Variants in ST8SIA1 observed in about 807,000 individuals in gnomAD.
ST8SIA1 encodes the protein ST8 alpha-N-acetyl-neuraminide alpha-2,8-sialyltransferase 1.
Under a neutral mutation model 35.9 loss-of-function variants are expected in ST8SIA1, and 16 were observed. That is an observed-to-expected ratio of 0.45 (90% confidence interval 0.30 to 0.68). ST8SIA1 has a LOEUF of 0.68. Among genes scored for constraint, ST8SIA1 ranks in the 30% least tolerant of loss-of-function variants. The pLI is 0.09. For synonymous variants in ST8SIA1, 170 were observed against 169.6 expected (o/e 1.00, Z -0.02); for missense variants, 383 against 453.6 (o/e 0.84, Z 1.41).
chr12:22,305,379 C>CTTT (rs71053397), intron 1 of ST8SIA1, among the ~76,000 whole-genome samples: 1 of 132,990 alleles, frequency 7.5e-6, no homozygotes, highest in South Asian at 2.4e-4. Context: ...TTCCAGCATA[C>CTTT]TTTTTTTTTT....
At chr12:22,220,164 C>T (rs770324497) in intron 4 of ST8SIA1, among the ~76,000 whole-genome samples, 1 of 152,174 alleles carries the variant, frequency 6.6e-6, no homozygotes, top group African/African-American at 2.4e-5. Context: ...TACTGAGGAA[C>T]AGAACAGTCA....
chr12:22,294,904 G>T (rs1283822346), intron 1 of ST8SIA1, among the ~76,000 whole-genome samples: 5 of 152,162 alleles, frequency 3.3e-5, no homozygotes. Flanking sequence ...TATACAGCTA[G>T]AAAGATTCTA....
chr12:22,232,763 C>T lies in ST8SIA1; in HGVS notation c.584+16243G>A, dbSNP rs558182301. 2.3e-4 allele frequency among the ~76,000 whole-genome samples: 35 copies of T among 152,100 alleles called. No individual in the cohort carries two copies. The South Asian group carries it at 4.4e-3, about 19-fold the overall frequency. On this transcript the variant is annotated intron_variant, in intron 4 of 4. Transcript: ENST00000396037. ...CTGAGGCAGGAGAATGGTTTGAACC[C>T]GGGAGGCGGAGGTTGCAGTGAGCCA...
At chr12:22,300,413 G>A (rs372589807) in intron 1 of ST8SIA1, among the ~76,000 whole-genome samples, 93 of 152,200 alleles carry the variant, frequency 6.1e-4, no homozygotes, top group African/African-American at 2.2e-3. Context: ...AACCATTAAC[G>A]TCAAAGGCAC....
At chr12:22,240,951 A>T (rs559389509) in intron 4 of ST8SIA1, among the ~76,000 whole-genome samples, 2 of 146,956 alleles carry the variant, frequency 1.4e-5, no homozygotes, top group South Asian at 4.4e-4. Flanking sequence ...TTCTAAATAC[A>T]TTTCTGTTTC....
intron 2 of ST8SIA1, chr12:22,286,543 CT>C (rs1293506693): frequency 3.9e-6 from 2 of 517,236 alleles, no homozygotes; most frequent in Non-Finnish European, 7.7e-6. Context: ...TAAAATTTCC[CT>C]TTTCCCCCCT....
intron 2 of ST8SIA1, among the ~76,000 whole-genome samples, chr12:22,273,536 C>G (rs888612991): frequency 6.6e-6 from 1 of 152,154 alleles, no homozygotes; most frequent in African/African-American, 2.4e-5. Flanking sequence ...GTGCCTACTT[C>G]TTCCTGGTCA....
chr12:22,216,387 A>G (rs1357534071), intron 4 of ST8SIA1, among the ~76,000 whole-genome samples: 2 of 152,058 alleles, frequency 1.3e-5, no homozygotes, highest in Non-Finnish European at 2.9e-5. Context: ...GCCCTGCCCG[A>G]TTACTTGGTG....
chr12:22,290,374 A>C (rs1359659999), intron 1 of ST8SIA1, among the ~76,000 whole-genome samples: 1 of 152,230 alleles, frequency 6.6e-6, no homozygotes, highest in Non-Finnish European at 1.5e-5. Flanking sequence ...TAGTACTAGT[A>C]CTATAGTACT....
chr12:22,281,819 C>CAA lies in ST8SIA1; in HGVS notation c.381+5328_381+5329dup, dbSNP rs11423875. Among the ~76,000 whole-genome samples, 706 of 102,926 alleles carry CAA rather than the reference C, an allele frequency of 6.9e-3. 11 individuals carry two copies. The highest frequency in any genetic ancestry group is 0.021 in the African/African-American group (581 of 28,316). 67.5% of individuals were successfully genotyped at this position (102,926 alleles called of 152,430 possible). A position where few individuals can be genotyped will look rare whatever the true frequency, so the allele number is the denominator to read the frequency against. ...TCAACATAACAAAACCTTGTCTCTA[C>CAA]AAAAAAAAAAAAAAAAATACAATAA... On this transcript the variant is annotated intron_variant, in intron 2 of 4. Coordinates refer to ENST00000396037, the MANE Select transcript of ST8SIA1 (RefSeq NM_003034.4).
At chr12:22,215,285 T>C (rs1865222939) in intron 4 of ST8SIA1, among the ~76,000 whole-genome samples, 1 of 152,198 alleles carries the variant, frequency 6.6e-6, no homozygotes, top group African/African-American at 2.4e-5. Flanking sequence ...GAAAGCCTCA[T>C]TCCACTGACC....
chr12:22,272,686 A>C (rs1201219050), intron 2 of ST8SIA1, among the ~76,000 whole-genome samples: 1 of 152,234 alleles, frequency 6.6e-6, no homozygotes, highest in Non-Finnish European at 1.5e-5. Flanking sequence ...TTGTGGGAAA[A>C]TTGGTACAAG....
At chr12:22,234,945 T>C (rs1865459607) in intron 4 of ST8SIA1, among the ~76,000 whole-genome samples, 2 of 152,264 alleles carry the variant, frequency 1.3e-5, no homozygotes, top group Non-Finnish European at 1.5e-5. Flanking sequence ...TTATCAAATA[T>C]GATATCTGTC....
At chr12:22,276,178 T>C (rs73084962) in intron 2 of ST8SIA1, among the ~76,000 whole-genome samples, 8,444 of 152,262 alleles carry the variant, frequency 0.055, 382 homozygotes, top group South Asian at 0.17. Context: ...ACAAAAAAAC[T>C]AGTCCTCTTA....
intron 2 of ST8SIA1, among the ~76,000 whole-genome samples, chr12:22,258,230 C>G (rs1865749057): frequency 6.6e-6 from 1 of 152,074 alleles, no homozygotes; most frequent in South Asian, 2.1e-4. Flanking sequence ...TGGAAGACTA[C>G]AGGAGGAGCA....
At chr12:22,310,819 A>C (rs1342505214) in intron 1 of ST8SIA1, among the ~76,000 whole-genome samples, 3 of 152,170 alleles carry the variant, frequency 2.0e-5, no homozygotes, top group East Asian at 3.9e-4. Flanking sequence ...ATGGCAACCC[A>C]AAATGAATTG....
chr12:22,242,230 A>G (rs1194592984), intron 4 of ST8SIA1, among the ~76,000 whole-genome samples: 2 of 152,182 alleles, frequency 1.3e-5, no homozygotes, highest in Non-Finnish European at 2.9e-5. Context: ...CCCATACTGT[A>G]TATGTTGAAT....
intron 1 of ST8SIA1, chr12:22,325,907 C>T (rs773110963): frequency 1.4e-6 from 1 of 700,382 alleles, no homozygotes; most frequent in South Asian, 1.5e-5. Context: ...GACTCATGGG[C>T]AGCAAGTGTC....
chr12:22,334,706 A>ACCCCCCCCC lies in ST8SIA1; in HGVS notation c.-475_-474insGGGGGGGGG, dbSNP rs532500842. On this transcript the variant is annotated 5_prime_UTR_variant, in exon 1 of 5. Coordinates refer to ENST00000396037, the MANE Select transcript of ST8SIA1 (RefSeq NM_003034.4). Reference sequence around the variant, plus strand: ...TCCCGCGCTGCTGCGCCGCCAGGCAACCCCCCCCCCCCCACCCCGCCCCGA... The same window carrying ACCCCCCCCC: ...TCCCGCGCTGCTGCGCCGCCAGGCAACCCCCCCCCCCCCCCCCCCCCCACCCCGCCCCGA... 3.7e-3 allele frequency: 241 copies of ACCCCCCCCC among 64,578 alleles called. 1 individual carries two copies. Among genetic ancestry groups the ACCCCCCCCC allele is most frequent in the Non-Finnish European group, 4.7e-3 (146 of 31,252 alleles). The allele number at this position is 64,578 out of a possible 1,614,324, so 4.0% of individuals were successfully genotyped here. A position where few individuals can be genotyped will look rare whatever the true frequency, so the allele number is the denominator to read the frequency against.
Sources: gnomAD v4.1 joint callset for allele counts (sites outside exome capture counted in the v4.1 genomes callset) on GRCh38, gnomAD v4.1.1 for gene constraint, MANE v1.5 for transcripts, NCBI Gene and HGNC (gene_info 2026-07-23, HGNC 2026-07-21) for gene names.